Variants in CDH23 observed in about 807,000 individuals in gnomAD.
CDH23 encodes cadherin related 23.
In CDH23, 189 loss-of-function variants were observed where a neutral mutation model predicts 317.1. The ratio of observed to expected loss-of-function variants is 0.60; its 90% confidence interval spans 0.53 to 0.67. CDH23 has a LOEUF of 0.67. CDH23 is among the 30% of genes least tolerant of loss of function. CDH23 has a pLI of 0.00. For missense variants in CDH23, 4,401 were observed against 4,592.4 expected (o/e 0.96, Z 1.20); for synonymous variants, 1,839 against 1,876.8 (o/e 0.98, Z 0.52).
chr10:71,733,113 G>A (rs1016220326), intron 32 of CDH23, among the ~76,000 whole-genome samples: 4 of 152,186 alleles, frequency 2.6e-5, no homozygotes, highest in East Asian at 1.9e-4. Flanking sequence ...CCACAAGTTC[G>A]ATGAATTTGC....
At chr10:71,486,508 CA>C (rs1564610835) in intron 3 of CDH23, among the ~76,000 whole-genome samples, 1 of 152,064 alleles carries the variant, frequency 6.6e-6, no homozygotes, top group Non-Finnish European at 1.5e-5. Context: ...GGACACATGA[CA>C]GGGGCTCAGC....
chr10:71,623,117 G>C (rs1861546880), intron 11 of CDH23, among the ~76,000 whole-genome samples: 1 of 152,188 alleles, frequency 6.6e-6, no homozygotes, highest in Admixed American at 6.5e-5. Flanking sequence ...TTTCCTTCCA[G>C]TGGGGAGACA....
At chr10:71,814,677 CCGAT>C (rs1267886675) in intron 69 of CDH23, among the ~76,000 whole-genome samples, 12 of 47,868 alleles carry the variant, frequency 2.5e-4, no homozygotes, top group Middle Eastern at 0.021. Context: ...TCACAAGAAG[CCGAT>C]ACACACACAC....
chr10:71,671,223 C>T (rs189698063), intron 14 of CDH23, among the ~76,000 whole-genome samples: 53 of 152,206 alleles, frequency 3.5e-4, no homozygotes, highest in Admixed American at 1.2e-3. Context: ...GCCTCCCAAA[C>T]CAAAGTGCTG....
chr10:71,635,802 G>A lies in CDH23; in HGVS notation c.1135-8059G>A, dbSNP rs10999924. On this transcript the variant is annotated intron_variant, in intron 11 of 69. Coordinates refer to ENST00000224721, the MANE Select transcript of CDH23 (RefSeq NM_022124.6). The stretch of plus-strand genomic sequence containing the variant: ...GCTGCTGTAACAAACTACCATTGAC[G>A]GTTGGCTTGTAAACATAGAAACTTA... Among the ~76,000 whole-genome samples the A allele has an allele frequency of 1.1e-4, 16 of 152,236 alleles. No homozygotes were observed. In the East Asian group the frequency reaches 1.9e-3, roughly 18 times the overall value.
chr10:71,670,355 G>A (rs1051470310), intron 14 of CDH23, among the ~76,000 whole-genome samples: 4 of 152,230 alleles, frequency 2.6e-5, no homozygotes, highest in African/African-American at 9.6e-5. Context: ...GTTGAGCCCT[G>A]TATGGGGGTA....
chr10:71,479,512 AG>A, intron 3 of CDH23, among the ~76,000 whole-genome samples: 1 of 152,310 alleles, frequency 6.6e-6, no homozygotes, highest in South Asian at 2.1e-4. Context: ...GAGACACAAC[AG>A]GCTCTCTTGA....
rs1855747980 is a variant in CDH23 at position 71,537,126 on chromosome 10, C to CT, written c.429+25915dup. On this transcript the variant is annotated intron_variant, in intron 6 of 69. Coordinates refer to ENST00000224721, the MANE Select transcript of CDH23 (RefSeq NM_022124.6). The stretch of plus-strand genomic sequence containing the variant: ...TTTCCCAACCTTCATGGGCCCATGG[C>CT]TGAGGGCCTGGGGGTGAAAGCAAGA... Among the ~76,000 whole-genome samples, 3 of 152,152 alleles carry CT rather than the reference C, an allele frequency of 2.0e-5. No individual in the cohort carries two copies. The South Asian group carries it at 6.2e-4, about 32-fold the overall frequency.
chr10:71,785,230 A>C, intron 43 of CDH23, 130 bp downstream of exon 43: 1 of 694,832 alleles, frequency 1.4e-6, no homozygotes, highest in Non-Finnish European at 2.4e-6. Context: ...GGATGAGGAC[A>C]CCTCTGTGGG....
intron 24 of CDH23, among the ~76,000 whole-genome samples, chr10:71,704,154 AT>A (rs1865692544): frequency 6.6e-6 from 1 of 152,226 alleles, no homozygotes; most frequent in Non-Finnish European, 1.5e-5. Context: ...AGTTTGCTGG[AT>A]GTGAAATAGA....
At chr10:71,569,290 C>T (rs1260740255) in intron 7 of CDH23, among the ~76,000 whole-genome samples, 1 of 152,222 alleles carries the variant, frequency 6.6e-6, no homozygotes, top group Non-Finnish European at 1.5e-5. Context: ...AACCAGCCCT[C>T]CCTTCTCCTA....
chr10:71,453,792 G>T (rs914669546), intron 3 of CDH23, among the ~76,000 whole-genome samples: 8 of 152,258 alleles, frequency 5.3e-5, no homozygotes, highest in African/African-American at 1.7e-4. Context: ...AAAGCCACAG[G>T]AATTGTGGGG....
chr10:71,550,193 G>A (rs1436615616), intron 6 of CDH23, among the ~76,000 whole-genome samples: 1 of 152,132 alleles, frequency 6.6e-6, no homozygotes, highest in Non-Finnish European at 1.5e-5. Context: ...GGCTGAAGAG[G>A]AGAAAGTACG....
chr10:71,718,565 G>A (rs1564754377), intron 28 of CDH23, among the ~76,000 whole-genome samples: 3 of 152,238 alleles, frequency 2.0e-5, no homozygotes, highest in Admixed American at 6.5e-5. Context: ...TGTGCCCACC[G>A]CTCATTCCCG....
At chr10:71,737,692 C>T in intron 34 of CDH23, 1 of 470,026 alleles carries the variant, frequency 2.1e-6, no homozygotes, top group Non-Finnish European at 4.4e-6. Flanking sequence ...GCTCCTCCAA[C>T]CCCCCTCACA....
intron 55 of CDH23, 33 bp from the exon 56 acceptor site, chr10:71,805,773 G>A (rs748987648): frequency 4.4e-6 from 7 of 1,587,616 alleles, no homozygotes; most frequent in South Asian, 2.3e-5. Context: ...TCTTTCAGGG[G>A]TCCAGGAGCC....
intron 14 of CDH23, among the ~76,000 whole-genome samples, chr10:71,663,740 G>A (rs918755636): frequency 1.3e-5 from 2 of 152,190 alleles, no homozygotes; most frequent in South Asian, 4.1e-4. Flanking sequence ...AACCCAGTAA[G>A]GATTAAATCA....
rs1420728951 is a variant in CDH23 at position 71,511,156 on chromosome 10, G to A, written c.373G>A (p.Val125Met). 2 of 1,613,648 alleles carry A rather than the reference G, an allele frequency of 1.2e-6. No individual in the cohort carries two copies. The highest frequency in any genetic ancestry group is 8.5e-7 in the Non-Finnish European group (1 of 1,179,664). The stretch of plus-strand genomic sequence containing the variant: ...GAAGGTGAACATCCAGGTTGGGGAT[G>A]TGAATGACAACGCGCCCACATTTCA... ...TRKVNIQVGD[V>M]NDNAPTFHNQ... is the part of the protein sequence containing the mutation. Residue 125 changes from valine to methionine, a missense_variant, in exon 6 of 70, where the codon GTG becomes ATG. Transcript: ENST00000224721.
At chr10:71,549,798 T>G (rs1206278820) in intron 6 of CDH23, among the ~76,000 whole-genome samples, 1 of 152,210 alleles carries the variant, frequency 6.6e-6, no homozygotes, top group African/African-American at 2.4e-5. Flanking sequence ...AAAACGGTCT[T>G]GACTGCAACT....
Sources: allele counts gnomAD v4.1 joint callset (sites outside exome capture counted in the v4.1 genomes callset), GRCh38; gene constraint gnomAD v4.1.1; transcripts MANE v1.5; gene names NCBI Gene and HGNC (gene_info 2026-07-23, HGNC 2026-07-21).